The following LIPI variants were observed in gnomAD, a reference collection of about 807,000 sequenced individuals.
LIPI encodes lipase member I.
A neutral mutation model predicts 50.6 loss-of-function variants in LIPI; 59 were observed. The ratio of observed to expected loss-of-function variants is 1.16; its 90% CI spans 0.94 to 1.45. The LOEUF (loss-of-function observed/expected upper bound fraction) is 1.45. Among genes scored for constraint, LIPI ranks in the 40% most tolerant of loss-of-function variants. LIPI has a pLI of 0.00. For synonymous variants in LIPI, 203 were observed against 178.2 expected, an observed-to-expected ratio of 1.14 and a Z score of -1.11; for missense variants, 586 against 536.3, an observed-to-expected ratio of 1.09 and a Z score of -0.92.
At chr21:14,178,356 C>A (rs1051244272) in intron 4 of LIPI, among the ~76,000 whole-genome samples, 1 of 152,038 alleles carries the variant, frequency 6.6e-6, no homozygotes, top group African/African-American at 2.4e-5. Context: ...CTATCCTATG[C>A]ATCTCTTAAC....
chr21:14,170,665 C>A (rs1256256117), intron 4 of LIPI, among the ~76,000 whole-genome samples: 3 of 152,110 alleles, frequency 2.0e-5, no homozygotes, highest in East Asian at 3.8e-4. Context: ...AATTCAACAA[C>A]CCTTCATGCT....
At chr21:14,121,000 C>T (rs1457179605) in intron 9 of LIPI, among the ~76,000 whole-genome samples, 1 of 152,192 alleles carries the variant, frequency 6.6e-6, no homozygotes, top group Non-Finnish European at 1.5e-5. Flanking sequence ...ATGTGAAAAC[C>T]TGCTTGTAAA....
chr21:14,145,461 G>T (rs150763697), intron 8 of LIPI, among the ~76,000 whole-genome samples: 1 of 152,104 alleles, frequency 6.6e-6, no homozygotes, highest in Non-Finnish European at 1.5e-5. Context: ...CTATGTGCCA[G>T]AAATGTGGGT....
At position 14,192,896 on chromosome 21, in the gene LIPI, A is replaced by G. The variant is rs148605838; in HGVS notation, c.47-3477T>C. On this transcript the variant is annotated intron_variant, in intron 1 of 9. Transcript: ENST00000681601. ...CATTTAAAAGAAAGTACACTAGACAAGTAACTAGAAGTCATACAAAAATAC... is the reference window on the plus strand; with the variant it reads ...CATTTAAAAGAAAGTACACTAGACAGGTAACTAGAAGTCATACAAAAATAC... Among the ~76,000 whole-genome samples the G allele has an allele frequency of 3.9e-3, 600 of 152,356 alleles. 4 individuals carry two copies. The highest frequency in any genetic ancestry group is 0.017 in the Middle Eastern group (5 of 294).
intron 1 of LIPI, among the ~76,000 whole-genome samples, chr21:14,192,759 C>G (rs1456103739): frequency 6.6e-6 from 1 of 152,104 alleles, no homozygotes; most frequent in Non-Finnish European, 1.5e-5. Flanking sequence ...ACAAAATTGT[C>G]CTTTAAAAAT....
chr21:14,188,315 C>T (rs2019524887), intron 2 of LIPI, among the ~76,000 whole-genome samples: 1 of 152,078 alleles, frequency 6.6e-6, no homozygotes, highest in South Asian at 2.1e-4. Flanking sequence ...TGCCTGTAAT[C>T]CCAGCACTTT....
At chr21:14,113,644 C>A (rs923356295) in intron 9 of LIPI, among the ~76,000 whole-genome samples, 2 of 151,760 alleles carry the variant, frequency 1.3e-5, no homozygotes, top group African/African-American at 4.8e-5. Context: ...AAAAAAATCT[C>A]AAAAAAATAG....
rs765400664 is a variant in LIPI at position 14,206,915 on chromosome 21, G to C, written c.46+3885C>G. On this transcript the variant is annotated intron_variant, in intron 1 of 9. Transcript: ENST00000681601. The stretch of plus-strand genomic sequence containing the variant: ...GGCACAAGTTATTATGTAAACATTT[G>C]AGCAACATAAATAAGACCCTATCAG... 6.2e-7 allele frequency: 1 copy of C among 1,602,446 alleles called. No individual in the cohort carries two copies. Among genetic ancestry groups the C allele is most frequent in the East Asian group, 2.2e-5 (1 of 44,778 alleles).
intron 1 of LIPI, among the ~76,000 whole-genome samples, chr21:14,205,932 T>C (rs961292293): frequency 2.6e-5 from 4 of 152,138 alleles, no homozygotes; most frequent in African/African-American, 9.7e-5. Flanking sequence ...TAATATAGAA[T>C]TTTATTTCCA....
intron 3 of LIPI, among the ~76,000 whole-genome samples, chr21:14,184,399 C>T (rs1464594949): frequency 2.0e-5 from 3 of 151,928 alleles, no homozygotes; most frequent in African/African-American, 7.3e-5. Context: ...ATGGGTGCAG[C>T]ACACCAACAT....
chr21:14,172,480 T>C (rs2018949273), intron 4 of LIPI, among the ~76,000 whole-genome samples: 1 of 151,656 alleles, frequency 6.6e-6, no homozygotes, highest in Non-Finnish European at 1.5e-5. Flanking sequence ...TGTCCAACAA[T>C]GATAGACTGG....
intron 7 of LIPI, among the ~76,000 whole-genome samples, chr21:14,153,801 C>G (rs1037391416): frequency 6.6e-6 from 1 of 152,052 alleles, no homozygotes; most frequent in Non-Finnish European, 1.5e-5. Context: ...ATTCCCTGAC[C>G]CATCATTGAA....
At chr21:14,202,713 C>A (rs137906590) in intron 1 of LIPI, among the ~76,000 whole-genome samples, 1,546 of 152,156 alleles carry the variant, frequency 0.01, 29 homozygotes, top group African/African-American at 0.035. Flanking sequence ...AATGTTAGAC[C>A]TAAAACCATA....
chr21:14,196,361 G>T (rs1473124393), intron 1 of LIPI, among the ~76,000 whole-genome samples: 3 of 152,096 alleles, frequency 2.0e-5, no homozygotes, highest in Admixed American at 1.3e-4. Context: ...TTCTATAAAA[G>T]AAATATTTAA....
At chr21:14,152,335 G>A (rs192871575) in intron 8 of LIPI, among the ~76,000 whole-genome samples, 3 of 152,050 alleles carry the variant, frequency 2.0e-5, no homozygotes, top group East Asian at 3.9e-4. Context: ...CTCCTGATAC[G>A]CTTAGAACTT....
chr21:14,140,866 T>A (rs1294371173), intron 9 of LIPI, among the ~76,000 whole-genome samples: 1 of 152,174 alleles, frequency 6.6e-6, no homozygotes, highest in African/African-American at 2.4e-5. Context: ...TTGGCTCATC[T>A]TATTATTTGT....
intron 8 of LIPI, among the ~76,000 whole-genome samples, chr21:14,150,883 G>A (rs909059587): frequency 5.3e-5 from 8 of 152,010 alleles, no homozygotes; most frequent in African/African-American, 1.9e-4. Context: ...GTTTAAAAAG[G>A]GAAAGGAAAA....
rs2018412765 is a variant in LIPI, at chr21:14,160,164, G to T, written c.1006+3255C>A. 4.6e-5 allele frequency among the ~76,000 whole-genome samples: 7 copies of T among 151,280 alleles called. No individual in the cohort carries two copies. In the South Asian group the frequency reaches 1.0e-3, roughly 22 times the overall value. ...ATATTGAAATGTACATACACTAGAA[G>T]ATCTAAAATAATCATGACAAAGAAG... On this transcript the variant is annotated intron_variant, in intron 7 of 9. Coordinates refer to ENST00000681601, the MANE Select transcript of LIPI (RefSeq NM_001302998.2).
At chr21:14,184,173 G>A (rs1396724373) in intron 3 of LIPI, among the ~76,000 whole-genome samples, 1 of 152,192 alleles carries the variant, frequency 6.6e-6, no homozygotes, top group Non-Finnish European at 1.5e-5. Context: ...CATGTCCTTT[G>A]TAGGGACATG....
Sources: gnomAD v4.1 joint callset for allele counts (sites outside exome capture counted in the v4.1 genomes callset) on GRCh38, gnomAD v4.1.1 for gene constraint, MANE v1.5 for transcripts, NCBI Gene and HGNC (gene_info 2026-07-23, HGNC 2026-07-21) for gene names.